ZNF438: variants seen among roughly 807,000 people sequenced by gnomAD.
ZNF438 encodes zinc finger protein 438.
ZNF438 carries 25 observed loss-of-function variants against 38.0 expected under a neutral mutation model. That is an observed-to-expected ratio of 0.66 (90% CI 0.48 to 0.92). The LOEUF (loss-of-function observed/expected upper bound fraction) is 0.92. ZNF438 is among the 40% of genes least tolerant of loss of function. ZNF438 has a pLI of 0.00. For synonymous variants in ZNF438, 372 were observed against 364.1 expected, an observed-to-expected ratio of 1.02 and a Z score of -0.25; for missense variants, 1,007 against 999.6, an observed-to-expected ratio of 1.01 and a Z score of -0.10.
At chr10:30,988,240 T>C (rs2053068885) in intron 1 of ZNF438, among the ~76,000 whole-genome samples, 1 of 152,064 alleles carries the variant, frequency 6.6e-6, no homozygotes, top group African/African-American at 2.4e-5. Context: ...TACCTCATTA[T>C]CGACATAGAG....
At chr10:30,973,594 T>G (rs1175881430) in intron 1 of ZNF438, among the ~76,000 whole-genome samples, 1 of 152,198 alleles carries the variant, frequency 6.6e-6, no homozygotes, top group Admixed American at 6.5e-5. Context: ...ACAAAACACA[T>G]TTCTGAAATG....
upstream of ZNF438, among the ~76,000 whole-genome samples, chr10:31,032,411 A>G (rs1331141598): frequency 1.3e-5 from 2 of 148,614 alleles, no homozygotes; most frequent in South Asian, 4.3e-4. Context: ...GACTCCGCCC[A>G]GACCCCGAGC....
At chr10:30,922,760 G>A (rs1410027380) in intron 2 of ZNF438, among the ~76,000 whole-genome samples, 5 of 151,802 alleles carry the variant, frequency 3.3e-5, no homozygotes, top group Non-Finnish European at 5.9e-5. Flanking sequence ...ACTTGAACCA[G>A]AGAGGTGGAA....
Position 30,876,984 on chromosome 10 carries a change from G to T in ZNF438, c.37+14C>A, listed in dbSNP as rs1175647330. On this transcript the variant is annotated intron_variant, in intron 4 of 5. Coordinates refer to ENST00000413025, the Ensembl canonical transcript of ZNF438. The stretch of plus-strand genomic sequence containing the variant: ...AACAGACTCATCACCATTTTCCTCA[G>T]CAGTTTAACTTACCTTCATCTTTTG... 6.2e-7 allele frequency: 1 copy of T among 1,602,622 alleles called. No individual in the cohort carries two copies. The highest frequency in any genetic ancestry group is 1.1e-5 in the South Asian group (1 of 88,484).
intron 1 of ZNF438, among the ~76,000 whole-genome samples, chr10:31,003,050 T>C (rs1165154987): frequency 1.3e-5 from 2 of 152,168 alleles, no homozygotes; most frequent in African/African-American, 2.4e-5. Flanking sequence ...TCCAGTGGTA[T>C]ACAGGTGAAC....
intron 1 of ZNF438, among the ~76,000 whole-genome samples, chr10:31,028,021 A>G (rs2057051128): frequency 6.6e-6 from 1 of 152,158 alleles, no homozygotes; most frequent in African/African-American, 2.4e-5. Context: ...CTACGGGAAC[A>G]AGACACATCT....
At chr10:31,010,396 G>A (rs1211644351) in intron 1 of ZNF438, among the ~76,000 whole-genome samples, 3 of 152,098 alleles carry the variant, frequency 2.0e-5, no homozygotes, top group African/African-American at 7.2e-5. Flanking sequence ...TTCCATCAAA[G>A]TAGTCCTAAT....
At chr10:30,958,100 T>C (rs2049068544) in intron 1 of ZNF438, among the ~76,000 whole-genome samples, 1 of 146,766 alleles carries the variant, frequency 6.8e-6, no homozygotes, top group African/African-American at 2.4e-5. Context: ...TTTTTGGGAC[T>C]GAGTCATACG....
intron 1 of ZNF438, among the ~76,000 whole-genome samples, chr10:31,019,280 G>A (rs1469201187): frequency 6.6e-6 from 1 of 152,122 alleles, no homozygotes; most frequent in Non-Finnish European, 1.5e-5. Context: ...CCCCTTCATT[G>A]CCTCTCTAAC....
intron 1 of ZNF438, among the ~76,000 whole-genome samples, chr10:30,988,779 C>T (rs1471533590): frequency 1.3e-5 from 2 of 151,994 alleles, no homozygotes; most frequent in African/African-American, 2.4e-5. Context: ...TATAAGTTTA[C>T]AGTTTTTTAG....
intron 1 of ZNF438, among the ~76,000 whole-genome samples, chr10:30,999,173 A>G (rs1196162450): frequency 6.6e-6 from 1 of 152,240 alleles, no homozygotes; most frequent in African/African-American, 2.4e-5. Context: ...AAACAACATT[A>G]CTATGAGTCA....
At chr10:30,919,320 T>A (rs2044015351) in intron 2 of ZNF438, 1 of 152,268 alleles carries the variant, frequency 6.6e-6, no homozygotes, top group African/African-American at 2.4e-5. Context: ...CTGGCCTCTC[T>A]TTTTGCTTCC....
intron 3 of ZNF438, among the ~76,000 whole-genome samples, chr10:30,905,185 G>A: frequency 6.6e-6 from 1 of 152,140 alleles, no homozygotes; most frequent in East Asian, 1.9e-4. Context: ...TTAACCTTTT[G>A]AGGATTTTCC....
At chr10:30,982,557 C>T (rs58393169) in intron 1 of ZNF438, among the ~76,000 whole-genome samples, 2 of 152,056 alleles carry the variant, frequency 1.3e-5, no homozygotes, top group Non-Finnish European at 2.9e-5. Context: ...ATTTCCAAGC[C>T]GGACAATTAT....
chr10:30,915,431 T>C (rs1028386806), intron 2 of ZNF438, among the ~76,000 whole-genome samples: 2 of 152,058 alleles, frequency 1.3e-5, no homozygotes, highest in African/African-American at 4.8e-5. Context: ...CAGACTGTCA[T>C]CTTGCTGGAT....
chr10:31,031,752 G>C (rs1771646), intron 1 of ZNF438, 81 bp downstream of exon 1: 115,378 of 154,118 alleles, frequency 0.75, 43,836 homozygotes, highest in African/African-American at 0.83. Flanking sequence ...GACGCCCCCA[G>C]AGCCACCACC....
chr10:31,029,354 G>C (rs976233056), intron 1 of ZNF438, among the ~76,000 whole-genome samples: 1 of 152,090 alleles, frequency 6.6e-6, no homozygotes, highest in Non-Finnish European at 1.5e-5. Flanking sequence ...CTGTTGTTAT[G>C]ACTATGTCTA....
chr10:30,878,394 C>T (rs943911401), intron 3 of ZNF438, among the ~76,000 whole-genome samples: 23 of 152,090 alleles, frequency 1.5e-4, no homozygotes, highest in Admixed American at 9.2e-4. Context: ...TTCAGAGGGA[C>T]GCTCTGACTT....
At chr10:31,029,788 G>A (rs767463575) in intron 1 of ZNF438, among the ~76,000 whole-genome samples, 70 of 152,218 alleles carry the variant, frequency 4.6e-4, no homozygotes, top group Non-Finnish European at 5.0e-4. Context: ...CGGCCTGCCT[G>A]GCCCTTGACC....
Sources: allele counts gnomAD v4.1 joint callset (sites outside exome capture counted in the v4.1 genomes callset), GRCh38; gene constraint gnomAD v4.1.1; transcripts MANE v1.5; gene names NCBI Gene and HGNC (gene_info 2026-07-23, HGNC 2026-07-21).